ARMC12: variants seen among roughly 807,000 people sequenced by gnomAD.
The protein encoded by ARMC12 is armadillo repeat-containing protein 12.
Under a neutral mutation model 37.4 loss-of-function variants are expected in ARMC12, and 25 were observed. The observed-to-expected ratio is 0.67, with a 90% CI of 0.49 to 0.93. ARMC12 has a LOEUF of 0.93. ARMC12 is among the 40% of genes least tolerant of loss of function. The pLI, the probability that ARMC12 is intolerant of heterozygous loss-of-function variation, is 0.00. For missense variants in ARMC12, 384 were observed against 426.6 expected (o/e 0.90, Z 0.88); for synonymous variants, 167 against 176.1 (o/e 0.95, Z 0.41).
At chr6:35,744,511 G>A (rs1767277765) in intron 3 of ARMC12, among the ~76,000 whole-genome samples, 1 of 152,018 alleles carries the variant, frequency 6.6e-6, no homozygotes, top group Admixed American at 6.6e-5. Context: ...TTTCAAAACT[G>A]AATGTTAGGC....
chr6:35,743,148 A>G (rs1329428782), intron 3 of ARMC12, among the ~76,000 whole-genome samples: 3 of 151,062 alleles, frequency 2.0e-5, no homozygotes, highest in Admixed American at 6.6e-5. Flanking sequence ...TACTTCTTAC[A>G]TGGCTCATAA....
At chr6:35,743,294 G>A (rs1290245016) in intron 3 of ARMC12, among the ~76,000 whole-genome samples, 1 of 149,948 alleles carries the variant, frequency 6.7e-6, no homozygotes, top group Non-Finnish European at 1.5e-5. Flanking sequence ...TCAGCTCACC[G>A]CAACCTCCGC....
intron 1 of ARMC12, 35 bp downstream of exon 1, chr6:35,737,306 C>T (rs1474670591): frequency 3.7e-6 from 6 of 1,614,236 alleles, no homozygotes; most frequent in Non-Finnish European, 5.1e-6. Context: ...GGGCTCTGCC[C>T]CAGGAGGCAC....
At position 35,737,185 on chromosome 6, in the gene ARMC12, G is replaced by T. The variant is rs1309124133; in HGVS notation, c.77G>T (p.Gly26Val). The T allele has an allele frequency of 1.2e-6, 2 of 1,614,192 alleles. No individual in the cohort carries two copies. Among genetic ancestry groups the T allele is most frequent in the Non-Finnish European group, 1.7e-6 (2 of 1,180,042 alleles). The change falls in exon 1 of 6, where the codon GGG (glycine) becomes GTG (valine). Residue 26 changes from glycine (G) to valine (V), a missense_variant. By Grantham distance (109) the Gly-to-Val change is moderately radical. Coordinates refer to ENST00000373866, the MANE Select transcript of ARMC12 (RefSeq NM_001286574.2). ...KSVVSLATGA[G>V]AIYLLYKAIK... ...GTAGTCAGCCTGGCCACAGGCGCCGGGGCGATCTACCTGCTCTACAAGGCC... is the reference window on the plus strand; with the variant it reads ...GTAGTCAGCCTGGCCACAGGCGCCGTGGCGATCTACCTGCTCTACAAGGCC...
intron 3 of ARMC12, 91 bp downstream of exon 3, chr6:35,738,609 G>C: frequency 6.6e-7 from 1 of 1,504,266 alleles, no homozygotes; most frequent in Non-Finnish European, 9.0e-7. Context: ...TGTTCCAGAA[G>C]TTTGTTTGGG....
upstream of ARMC12, among the ~76,000 whole-genome samples, chr6:35,732,590 C>T (rs1766861049): frequency 6.6e-6 from 1 of 152,234 alleles, no homozygotes; most frequent in Non-Finnish European, 1.5e-5. Context: ...GCTGCAGCGT[C>T]ACCCTCGGGA....
At chr6:35,737,854 C>T (rs1307296872) in intron 1 of ARMC12, 173 bp from the exon 2 acceptor site, 1 of 792,360 alleles carries the variant, frequency 1.3e-6, no homozygotes, top group East Asian at 2.6e-5. Context: ...GATAGGGTGC[C>T]CTTGTGCAGT....
chr6:35,747,803 C>G (rs1767389411), intron 5 of ARMC12, among the ~76,000 whole-genome samples, 156 bp downstream of exon 5: 1 of 152,136 alleles, frequency 6.6e-6, no homozygotes, highest in Non-Finnish European at 1.5e-5. Context: ...CTCTTCTGTT[C>G]CCCCCAGTAG....
intron 3 of ARMC12, among the ~76,000 whole-genome samples, chr6:35,745,586 C>T (rs984432160): frequency 6.6e-6 from 1 of 152,098 alleles, no homozygotes; most frequent in African/African-American, 2.4e-5. Context: ...CAAATATGTG[C>T]ATGTGCTGAA....
intron 2 of ARMC12, 96 bp from the exon 3 acceptor site, chr6:35,738,288 G>GC (rs1554141445): frequency 6.4e-6 from 9 of 1,400,778 alleles, no homozygotes; most frequent in Middle Eastern, 2.5e-4. Context: ...GATAGCGGTG[G>GC]GGGGGGGGTG....
At chr6:35,731,675 G>C in the ARMC12 span, among the ~76,000 whole-genome samples, 331 of 152,172 alleles carry the variant, frequency 2.2e-3, no homozygotes, top group Non-Finnish European at 3.1e-3. Flanking sequence ...CAGTTGTCTC[G>C]AGTGTGGGTA....
chr6:35,740,894 C>G (rs1246037756), intron 3 of ARMC12, among the ~76,000 whole-genome samples: 1 of 131,580 alleles, frequency 7.6e-6, no homozygotes, highest in Non-Finnish European at 1.6e-5. Context: ...CTGCTTCCTT[C>G]TGGTTTTTTT....
At position 35,738,019 on chromosome 6, in the gene ARMC12, C is replaced by T. The variant is rs1405247441; in HGVS notation, c.164-8C>T. The T allele has an allele frequency of 6.2e-7, 1 of 1,612,330 alleles. No individual in the cohort carries two copies. Among genetic ancestry groups the T allele is most frequent in the African/African-American group, 1.3e-5 (1 of 74,934 alleles). ...CACAGCCTGAACTGGGCTGGGGTGGCTGTCTAGGCCTGGCAGTCGAGCGAG... is the reference window on the plus strand; with the variant it reads ...CACAGCCTGAACTGGGCTGGGGTGGTTGTCTAGGCCTGGCAGTCGAGCGAG... On this transcript the variant is annotated splice_region_variant and splice_polypyrimidine_tract_variant and intron_variant, in intron 1 of 5. Coordinates refer to ENST00000373866, the MANE Select transcript of ARMC12 (RefSeq NM_001286574.2).
intron 5 of ARMC12, among the ~76,000 whole-genome samples, chr6:35,747,958 G>A (rs748102922): frequency 2.0e-5 from 3 of 152,102 alleles, no homozygotes; most frequent in Non-Finnish European, 2.9e-5. Flanking sequence ...AGCATTATTA[G>A]GGATAGAAAA....
chr6:35,738,965 G>A (rs1767083415), intron 3 of ARMC12, among the ~76,000 whole-genome samples: 1 of 152,290 alleles, frequency 6.6e-6, no homozygotes, highest in East Asian at 1.9e-4. Context: ...GAATTCGGGG[G>A]TTCCCACAAC....
Position 35,748,921 on chromosome 6 carries a change from G to C in ARMC12, c.*51G>C. 6.6e-7 allele frequency: 1 copy of C among 1,523,894 alleles called. No homozygotes were observed. The highest frequency in any genetic ancestry group is 8.8e-7 in the Non-Finnish European group (1 of 1,131,270). 94.4% of individuals were successfully genotyped at this position (1,523,894 alleles called of 1,614,324 possible). On this transcript the variant is annotated 3_prime_UTR_variant, in exon 6 of 6. Coordinates refer to ENST00000373866, the MANE Select transcript of ARMC12 (RefSeq NM_001286574.2). ...ATAGGAGAGAAACTTGAAGTTTCTTGAAGCTCGAATGTCTGTTGGTGGCCT... is the reference window on the plus strand; with the variant it reads ...ATAGGAGAGAAACTTGAAGTTTCTTCAAGCTCGAATGTCTGTTGGTGGCCT...
upstream of ARMC12, among the ~76,000 whole-genome samples, chr6:35,733,059 C>A (rs1010547821): frequency 6.6e-6 from 1 of 152,160 alleles, no homozygotes; most frequent in African/African-American, 2.4e-5. Flanking sequence ...GTAGTTCCAG[C>A]AACTTGGTAA....
chr6:35,736,811 T>A, upstream of ARMC12: 4 of 405,120 alleles, frequency 9.9e-6, 1 homozygote, highest in South Asian at 1.0e-4. Context: ...GGTTTCACCA[T>A]ATTGGCCAGG....
intron 3 of ARMC12, among the ~76,000 whole-genome samples, chr6:35,742,057 A>C (rs1767185119): frequency 6.6e-6 from 1 of 151,492 alleles, no homozygotes; most frequent in Admixed American, 6.6e-5. Context: ...GGGTTTTGCC[A>C]TGTTGTTCAG....
Sources: gnomAD v4.1 joint callset for allele counts (sites outside exome capture counted in the v4.1 genomes callset) on GRCh38, gnomAD v4.1.1 for gene constraint, MANE v1.5 for transcripts, NCBI Gene and HGNC (gene_info 2026-07-23, HGNC 2026-07-21) for gene names.